The following PRR14L variants were observed in gnomAD, a reference collection of about 807,000 sequenced individuals.
PRR14L encodes the protein protein PRR14L.
A neutral mutation model predicts 155.0 loss-of-function variants in PRR14L; 80 were observed. The observed-to-expected ratio is 0.52, with a 90% CI of 0.43 to 0.62. The LOEUF (loss-of-function observed/expected upper bound fraction) is 0.62. PRR14L is among the 20% of genes least tolerant of loss of function. PRR14L has a pLI of 0.00. For synonymous variants in PRR14L, 883 were observed against 916.0 expected (o/e 0.96, Z 0.65); for missense variants, 2,469 against 2,548.0 (o/e 0.97, Z 0.67).
At chr22:31,709,937 G>T (rs973662800) in intron 4 of PRR14L, among the ~76,000 whole-genome samples, 13 of 151,560 alleles carry the variant, frequency 8.6e-5, no homozygotes, top group Admixed American at 6.6e-5. Flanking sequence ...CCAGCCTGTT[G>T]TTTTTTTAAT....
In PRR14L at chr22:31,715,811, T is replaced by C. The variant is rs777389842; in HGVS notation, c.2028A>G (p.Lys676=). The C allele has an allele frequency of 3.6e-5, 56 of 1,551,666 alleles. No individual in the cohort carries two copies. The highest frequency in any genetic ancestry group is 4.7e-5 in the Non-Finnish European group (54 of 1,146,994). The change falls in exon 4 of 9, where the codon AAA becomes AAG. Residue 676 remains lysine (K), a synonymous_variant. Coordinates refer to ENST00000327423, the MANE Select transcript of PRR14L (RefSeq NM_173566.3). ...CTCTGCCTGTTGCTAAAGGCATCTCTTTGTTTAAATGCAGTAGAGAGTCAG... is the reference window on the plus strand; with the variant it reads ...CTCTGCCTGTTGCTAAAGGCATCTCCTTGTTTAAATGCAGTAGAGAGTCAG... ...LPTDSLLHLN[K]EMPLATGRDA...
At chr22:31,699,103 C>T (rs1457777420) in intron 7 of PRR14L, among the ~76,000 whole-genome samples, 2 of 152,006 alleles carry the variant, frequency 1.3e-5, no homozygotes, top group East Asian at 3.9e-4. Context: ...GTGCCGCGAC[C>T]TCGGCTCACT....
At chr22:31,724,186 C>T (rs1021321757) in intron 3 of PRR14L, among the ~76,000 whole-genome samples, 5 of 152,164 alleles carry the variant, frequency 3.3e-5, no homozygotes, top group Admixed American at 6.5e-5. Flanking sequence ...AAGCTCAGGG[C>T]TCCCACTGAT....
At chr22:31,719,582 C>T (rs770000232) in intron 3 of PRR14L, among the ~76,000 whole-genome samples, 1 of 151,960 alleles carries the variant, frequency 6.6e-6, no homozygotes, top group Admixed American at 6.6e-5. Context: ...AATTAATGAA[C>T]GAATATAGTT....
chr22:31,700,414 A>G (rs1197320485), intron 7 of PRR14L, among the ~76,000 whole-genome samples: 1 of 152,254 alleles, frequency 6.6e-6, no homozygotes, highest in Admixed American at 6.5e-5. Context: ...AAGAAACATA[A>G]GACAAAAATA....
In PRR14L at chr22:31,704,461, C is replaced by T. The variant is rs1300526931; in HGVS notation, c.5828+194G>A. On this transcript the variant is annotated intron_variant, in intron 5 of 8. Coordinates refer to ENST00000327423, the MANE Select transcript of PRR14L (RefSeq NM_173566.3). ...TTTTTTTTAACAAATTGTATTATTA[C>T]ACATTCCTAGTTGCTGCTTGTAATA... is the stretch of plus-strand genomic sequence containing the variant. 5 of 416,400 alleles carry T rather than the reference C, an allele frequency of 1.2e-5. No homozygotes were observed. The Admixed American group carries it at 1.6e-4, about 14-fold the overall frequency. 25.8% of individuals were successfully genotyped at this position (416,400 alleles called of 1,614,324 possible). A position where few individuals can be genotyped will look rare whatever the true frequency, so the allele number is the denominator to read the frequency against.
intron 7 of PRR14L, among the ~76,000 whole-genome samples, chr22:31,693,666 A>G (rs1221729888): frequency 1.3e-5 from 2 of 152,188 alleles, no homozygotes; most frequent in African/African-American, 4.8e-5. Context: ...AAGAGGCTAT[A>G]TACCATTTTG....
intron 7 of PRR14L, among the ~76,000 whole-genome samples, chr22:31,694,860 G>A (rs745639665): frequency 1.3e-5 from 2 of 152,014 alleles, no homozygotes; most frequent in African/African-American, 2.4e-5. Flanking sequence ...CGAGATGGGC[G>A]GATCATGAGG....
In PRR14L at chr22:31,738,818, A is replaced by C. The variant is rs996334883; in HGVS notation, c.43T>G (p.Ser15Ala). ...GVETQPVPLD[S>A]SMSAVVQELY... The stretch of plus-strand genomic sequence containing the variant: ...TCCTGTACCACGGCAGACATGGAGG[A>C]ATCAAGTGGAACTGGCTGAGTCTCT... The change falls in exon 2 of 9, where the codon TCC becomes GCC. Residue 15 changes from serine (S) to alanine (A), a missense_variant. Physicochemically the swap from Ser to Ala is moderately conservative, Grantham distance 99. This residue lies in a region of PRR14L where 2,363 missense variants were observed against 2,371.6 expected (regional missense o/e 1.00). Transcript: ENST00000327423. 1.1e-5 allele frequency: 17 copies of C among 1,547,830 alleles called. No homozygotes were observed. The highest frequency in any genetic ancestry group is 1.5e-5 in the Non-Finnish European group (17 of 1,147,080).
At chr22:31,731,944 A>C (rs115228922) in intron 2 of PRR14L, among the ~76,000 whole-genome samples, 2,277 of 152,270 alleles carry the variant, frequency 0.015, 58 homozygotes, top group African/African-American at 0.053. Flanking sequence ...CTTTGGGCCC[A>C]TCTCACATCC....
chr22:31,725,297 T>C (rs2147869671), intron 3 of PRR14L, among the ~76,000 whole-genome samples: 1 of 152,220 alleles, frequency 6.6e-6, no homozygotes, highest in Admixed American at 6.5e-5. Flanking sequence ...TCCCAGCTAC[T>C]TGGGAGGCTG....
chr22:31,694,547 A>C, intron 7 of PRR14L, among the ~76,000 whole-genome samples: 1 of 151,942 alleles, frequency 6.6e-6, no homozygotes, highest in East Asian at 1.9e-4. Flanking sequence ...GGAGATCGAG[A>C]CCATCCTGGC....
chr22:31,733,071 C>G (rs1195097502), intron 2 of PRR14L, among the ~76,000 whole-genome samples: 1 of 151,474 alleles, frequency 6.6e-6, no homozygotes. Flanking sequence ...TCACTACAAC[C>G]CTTTCTTCTG....
rs771902267 is a variant in PRR14L at position 31,706,428 on chromosome 22, C to CTTTTTTTT, written c.5757-1703_5757-1702insAAAAAAAA. On this transcript the variant is annotated intron_variant, in intron 4 of 8. Transcript: ENST00000327423. The stretch of plus-strand genomic sequence containing the variant: ...TAATTCCTTTATAATTAAACTCTTC[C>CTTTTTTTT]TTTTTCTTTTTTTTGAGACGGAGTC... Among the ~76,000 whole-genome samples, 1,416 of 142,030 alleles carry CTTTTTTTT rather than the reference C, an allele frequency of 1.0e-2. 71 individuals carry two copies. The highest frequency in any genetic ancestry group is 0.037 in the African/African-American group (1,312 of 35,934). 93.2% of individuals were successfully genotyped at this position (142,030 alleles called of 152,430 possible).
Position 31,713,536 on chromosome 22 carries a change from T to C in PRR14L, c.4303A>G (p.Lys1435Glu), listed in dbSNP as rs2147863346. ...ATGGTGGACTCATCTTTGTCAGCCT[T>C]CGGTTGGTTCTGATTTTGTGCATCA... ...LDDAQNQNQP[K>E]ADKDESTMIN... is the part of the protein sequence containing the mutation. Residue 1435 changes from lysine to glutamate, a missense_variant, in exon 4 of 9, where the codon AAG becomes GAG. Transcript: ENST00000327423. 1 of 1,552,178 alleles carries C rather than the reference T, an allele frequency of 6.4e-7. No homozygotes were observed. Among genetic ancestry groups the C allele is most frequent in the Non-Finnish European group, 8.7e-7 (1 of 1,147,096 alleles).
At chr22:31,686,921 A>G (rs958984973) in intron 8 of PRR14L, among the ~76,000 whole-genome samples, 2 of 152,234 alleles carry the variant, frequency 1.3e-5, no homozygotes, top group Non-Finnish European at 2.9e-5. Context: ...TTCAGACCTA[A>G]GTGAAACTCT....
intron 5 of PRR14L, 26 bp from the exon 6 acceptor site, chr22:31,703,747 A>G: frequency 7.0e-7 from 1 of 1,420,184 alleles, no homozygotes; most frequent in East Asian, 2.6e-5. Context: ...GAAAGAAGAT[A>G]TGAGAGGGGT....
At chr22:31,746,727 T>A (rs1248263470) in intron 1 of PRR14L, among the ~76,000 whole-genome samples, 1 of 152,092 alleles carries the variant, frequency 6.6e-6, no homozygotes, top group Non-Finnish European at 1.5e-5. Flanking sequence ...AAGTAGAAAT[T>A]CTTTTACGTT....
At chr22:31,694,748 T>C (rs2074527297) in intron 7 of PRR14L, among the ~76,000 whole-genome samples, 1 of 146,958 alleles carries the variant, frequency 6.8e-6, no homozygotes, top group South Asian at 2.1e-4. Context: ...CAAGACTCCG[T>C]CTCAACAAAA....
Sources: allele counts gnomAD v4.1 joint callset (sites outside exome capture counted in the v4.1 genomes callset), GRCh38; gene constraint gnomAD v4.1.1; regional missense constraint gnomAD v4.1.1; transcripts MANE v1.5; gene names NCBI Gene and HGNC (gene_info 2026-07-23, HGNC 2026-07-21).